The following ALDH1L2 variants were observed in gnomAD, a reference collection of about 807,000 sequenced individuals.
ALDH1L2 encodes aldehyde dehydrogenase 1 family member L2, also known as mitochondrial 10-formyltetrahydrofolate dehydrogenase.
ALDH1L2 carries 91 observed loss-of-function variants against 111.0 expected under a neutral mutation model. The observed-to-expected ratio is 0.82, with a 90% CI of 0.69 to 0.98. The LOEUF (loss-of-function observed/expected upper bound fraction) is 0.98, where lower values mean the gene tolerates loss of function less well. Ranked by LOEUF, ALDH1L2 falls within the 50% of genes least tolerant of loss-of-function variation. The pLI, the probability that ALDH1L2 is intolerant of heterozygous loss-of-function variation, is 0.00. For synonymous variants in ALDH1L2, 374 were observed against 392.6 expected (o/e 0.95, Z 0.56); for missense variants, 995 against 1,126.8 (o/e 0.88, Z 1.67).
Position 105,024,385 on chromosome 12 carries a change from A to C in ALDH1L2, c.*39T>G, listed in dbSNP as rs749795287. Reference sequence around the variant, plus strand: ...TTCTTAAGTGTGTCCAGAGTTGTAAAGGGCTGTCTGTCAAGGCTTTCCTGA... The same window carrying C: ...TTCTTAAGTGTGTCCAGAGTTGTAACGGGCTGTCTGTCAAGGCTTTCCTGA... On this transcript the variant is annotated 3_prime_UTR_variant, in exon 23 of 23. Coordinates refer to ENST00000258494, the MANE Select transcript of ALDH1L2 (RefSeq NM_001034173.4). 2 of 1,609,942 alleles carry C rather than the reference A, an allele frequency of 1.2e-6. No individual in the cohort carries two copies. The highest frequency in any genetic ancestry group is 1.7e-6 in the Non-Finnish European group (2 of 1,176,642).
At position 105,052,248 on chromosome 12, in the gene ALDH1L2, T is replaced by C. The variant is rs757964578; in HGVS notation, c.1408-31A>G. ...TCAAGGTAAGTAAAAATAGGCCCCA[T>C]GAGAGATATGAAAATATGGTTCTTG... On this transcript the variant is annotated intron_variant, in intron 11 of 22. Coordinates refer to ENST00000258494, the MANE Select transcript of ALDH1L2 (RefSeq NM_001034173.4). The C allele has an allele frequency of 3.2e-6, 5 of 1,540,352 alleles. No homozygotes were observed. In the East Asian group the frequency reaches 1.2e-4, roughly 36 times the overall value.
chr12:105,046,237 T>A (rs1200149077), intron 15 of ALDH1L2, among the ~76,000 whole-genome samples: 55 of 124,870 alleles, frequency 4.4e-4, no homozygotes, highest in African/African-American at 1.6e-3. Flanking sequence ...TTTTTTTTTT[T>A]TTTTTTTTTT....
At chr12:105,068,622 T>C in intron 4 of ALDH1L2, 97 bp downstream of exon 4, 1 of 1,193,888 alleles carries the variant, frequency 8.4e-7, no homozygotes, top group Non-Finnish European at 1.1e-6. Flanking sequence ...ACTTTATATT[T>C]TTGGTGAAAA....
At chr12:105,040,758 A>T in intron 15 of ALDH1L2, 64 bp from the exon 16 acceptor site, 7 of 1,347,226 alleles carry the variant, frequency 5.2e-6, no homozygotes, top group Non-Finnish European at 7.5e-6. Context: ...CCCAGAACCC[A>T]GTTTTCCCTT....
At chr12:105,052,460 A>G (rs1876348102) in intron 11 of ALDH1L2, among the ~76,000 whole-genome samples, 1 of 152,206 alleles carries the variant, frequency 6.6e-6, no homozygotes, top group Non-Finnish European at 1.5e-5. Flanking sequence ...GGAAGATTGG[A>G]AGACTGTAGT....
rs546545581 is a variant in ALDH1L2 at position 105,019,885 on chromosome 12, TA to T, written c.*4538del. ...AATATACAGTATTATGTTAATTATG[TA>T]AAAAAAGTATACATATTCATAGAAA... On this transcript the variant is annotated 3_prime_UTR_variant, in exon 23 of 23. Coordinates refer to ENST00000258494, the MANE Select transcript of ALDH1L2 (RefSeq NM_001034173.4). 8 of 152,190 alleles carry T rather than the reference TA, an allele frequency of 5.3e-5. No homozygotes were observed. Among genetic ancestry groups the T allele is most frequent in the African/African-American group, 2.4e-5 (1 of 41,444 alleles). The allele number at this position is 152,190 out of a possible 1,614,324, so 9.4% of individuals were successfully genotyped here. A position where few individuals can be genotyped will look rare whatever the true frequency, so the allele number is the denominator to read the frequency against.
At chr12:105,030,498 C>T in intron 20 of ALDH1L2, 69 bp from the exon 21 acceptor site, 1 of 1,276,612 alleles carries the variant, frequency 7.8e-7, no homozygotes. Context: ...AGTCCTCTCA[C>T]TTAATTACAT....
chr12:105,052,242 G>T (rs764837548), intron 11 of ALDH1L2, 25 bp from the exon 12 acceptor site: 1 of 1,553,732 alleles, frequency 6.4e-7, no homozygotes, highest in South Asian at 1.2e-5. Context: ...GTAAAAATAG[G>T]CCCCATGAGA....
At chr12:105,056,078 A>T (rs148890280) in intron 10 of ALDH1L2, among the ~76,000 whole-genome samples, 62 of 152,274 alleles carry the variant, frequency 4.1e-4, no homozygotes, top group African/African-American at 1.3e-3. Context: ...AGCTCAACAA[A>T]TTCTAATGGG....
intron 7 of ALDH1L2, among the ~76,000 whole-genome samples, chr12:105,062,357 T>G (rs962620472): frequency 1.6e-4 from 24 of 152,204 alleles, no homozygotes; most frequent in African/African-American, 5.6e-4. Flanking sequence ...TCTTAACGAT[T>G]TATCCTGCAG....
chr12:105,045,013 T>G (rs1875757728), intron 15 of ALDH1L2, among the ~76,000 whole-genome samples: 1 of 152,210 alleles, frequency 6.6e-6, no homozygotes, highest in Admixed American at 6.5e-5. Flanking sequence ...AATATAGTAT[T>G]AATTAACTAT....
At chr12:105,033,683 A>G (rs10861308) in intron 19 of ALDH1L2, among the ~76,000 whole-genome samples, 34,358 of 152,022 alleles carry the variant, frequency 0.23, 5,363 homozygotes, top group East Asian at 0.5. Flanking sequence ...ACTCCTATAG[A>G]TGACTTTTAG....
At position 105,068,884 on chromosome 12, in the gene ALDH1L2, C is replaced by T; in HGVS notation, c.429G>A (p.Trp143Ter). 6.5e-7 allele frequency: 1 copy of T among 1,543,052 alleles called. No homozygotes were observed. Among genetic ancestry groups the T allele is most frequent in the Non-Finnish European group, 8.7e-7 (1 of 1,149,178 alleles). Residue 143 changes from tryptophan to a stop codon, truncating the protein, a stop_gained and splice_region_variant, in exon 4 of 23, where the codon TGG (tryptophan) becomes TGA (stop). Transcript: ENST00000258494. LOFTEE classifies it high-confidence loss of function. ...CTTTCTTATCTCCCATAATTAGAGTCCTGTGAAAAGAAGAATTTCAATTTA... is the reference window on the plus strand; with the variant it reads ...CTTTCTTATCTCCCATAATTAGAGTTCTGTGAAAAGAAGAATTTCAATTTA... ...PRHRGASAIN[W>*]TLIMGDKKAG...
chr12:105,029,737 A>G (rs1874602922), intron 21 of ALDH1L2, among the ~76,000 whole-genome samples: 1 of 152,204 alleles, frequency 6.6e-6, no homozygotes, highest in South Asian at 2.1e-4. Context: ...GCCATTCTGA[A>G]GAATTTTGTG....
intron 6 of ALDH1L2, 58 bp downstream of exon 6, chr12:105,065,209 T>G: frequency 9.4e-7 from 1 of 1,060,640 alleles, no homozygotes; most frequent in African/African-American, 1.9e-5. Context: ...ATCTGTAATA[T>G]CTCTTACAAA....
At chr12:105,082,789 A>T (rs1248344035) in intron 1 of ALDH1L2, among the ~76,000 whole-genome samples, 2 of 152,268 alleles carry the variant, frequency 1.3e-5, no homozygotes, top group Non-Finnish European at 2.9e-5. Context: ...ACAGTTTTCC[A>T]AAGTGGCTGT....
chr12:105,059,170 G>A (rs1876827416), intron 9 of ALDH1L2, among the ~76,000 whole-genome samples: 1 of 151,800 alleles, frequency 6.6e-6, no homozygotes, highest in Admixed American at 6.6e-5. Context: ...GGGAAGCTGA[G>A]GCAGGAGAAT....
intron 3 of ALDH1L2, 37 bp downstream of exon 3, chr12:105,070,533 C>T: frequency 2.0e-6 from 3 of 1,515,562 alleles, no homozygotes; most frequent in Non-Finnish European, 2.7e-6. Context: ...AGCAAGACCC[C>T]ATCTCAAAAA....
rs1299439098 is a variant in ALDH1L2, at chr12:105,052,059, TAAAAAATA to T, written c.1535+23_1535+30del. 8 of 1,533,998 alleles carry T rather than the reference TAAAAAATA, an allele frequency of 5.2e-6. No homozygotes were observed. The African/African-American group carries it at 5.7e-5, about 11-fold the overall frequency. ...CCTGTCTCTACCAGAGTTACTTTTCTAAAAAATAAAAAAATAAAAAATAGAAATACCTA... is the reference window on the plus strand; with the variant it reads ...CCTGTCTCTACCAGAGTTACTTTTCTAAAAAATAAAAAATAGAAATACCTA... On this transcript the variant is annotated intron_variant, in intron 12 of 22. Coordinates refer to ENST00000258494, the MANE Select transcript of ALDH1L2 (RefSeq NM_001034173.4).
Sources: gnomAD v4.1 joint callset for allele counts (sites outside exome capture counted in the v4.1 genomes callset) on GRCh38, gnomAD v4.1.1 for gene constraint, MANE v1.5 for transcripts, NCBI Gene and HGNC (gene_info 2026-07-23, HGNC 2026-07-21) for gene names.